Variants in DLG2 observed in about 807,000 individuals in gnomAD.
DLG2 encodes the protein disks large homolog 2.
A neutral mutation model predicts 132.5 loss-of-function variants in DLG2; 45 were observed. That is an observed-to-expected ratio of 0.34 (90% confidence interval 0.27 to 0.44). The LOEUF (loss-of-function observed/expected upper bound fraction) is 0.44, where lower values mean the gene tolerates loss of function less well. Ranked by LOEUF, DLG2 falls within the 20% of genes least tolerant of loss-of-function variation. The pLI, the probability that DLG2 is intolerant of heterozygous loss-of-function variation, is 1.00. For synonymous variants in DLG2, 424 were observed against 419.6 expected (o/e 1.01, Z -0.13); for missense variants, 1,045 against 1,196.9 (o/e 0.87, Z 1.87).
At chr11:85,348,163 T>C (rs1182109579) in intron 3 of DLG2, among the ~76,000 whole-genome samples, 1 of 151,090 alleles carries the variant, frequency 6.6e-6, no homozygotes, top group East Asian at 1.9e-4. Context: ...TTTTTGTACT[T>C]TTTAGTAGAG....
rs77773326 is a variant in DLG2, at chr11:84,129,026, G to A, written c.625-29979C>T. ...AAAGTCATTCAATCTGCTGGCAGAT[G>A]AAAATGAAGTGAAACAGTACACTAA... On this transcript the variant is annotated intron_variant, in intron 9 of 27. Transcript: ENST00000376104. Among the ~76,000 whole-genome samples, 343 of 152,234 alleles carry A rather than the reference G, an allele frequency of 2.3e-3. 7 individuals carry two copies. The East Asian group carries it at 0.051, about 23-fold the overall frequency.
intron 3 of DLG2, among the ~76,000 whole-genome samples, chr11:85,566,125 T>C (rs1378851136): frequency 6.6e-6 from 1 of 152,216 alleles, no homozygotes; most frequent in Non-Finnish European, 1.5e-5. Flanking sequence ...TCTTTCCATG[T>C]GCCTATTGGT....
At chr11:85,383,928 C>G (rs985678918) in intron 3 of DLG2, among the ~76,000 whole-genome samples, 4 of 152,158 alleles carry the variant, frequency 2.6e-5, no homozygotes, top group African/African-American at 9.7e-5. Context: ...GTGCCCTTCT[C>G]CCCTACAGAA....
At chr11:83,950,332 C>G (rs745965043) in intron 14 of DLG2, among the ~76,000 whole-genome samples, 1 of 152,160 alleles carries the variant, frequency 6.6e-6, no homozygotes, top group Non-Finnish European at 1.5e-5. Flanking sequence ...CAGTGGCTCA[C>G]GCCTGTAATC....
At chr11:84,193,334 C>T (rs141464377) in intron 8 of DLG2, among the ~76,000 whole-genome samples, 132 of 152,168 alleles carry the variant, frequency 8.7e-4, no homozygotes, top group Non-Finnish European at 1.3e-3. Context: ...ACCTGAGATT[C>T]GAAGATATTA....
At chr11:85,021,175 C>T (rs113133805) in intron 6 of DLG2, 9 of 955,934 alleles carry the variant, frequency 9.4e-6, no homozygotes, top group Admixed American at 5.1e-5. Flanking sequence ...AGAATTGAAG[C>T]CAGCTTTTTC....
At chr11:84,005,867 T>C (rs2094550405) in intron 11 of DLG2, among the ~76,000 whole-genome samples, 1 of 151,860 alleles carries the variant, frequency 6.6e-6, no homozygotes, top group Admixed American at 6.6e-5. Flanking sequence ...CATACACTGT[T>C]AGTCAGAATG....
intron 6 of DLG2, among the ~76,000 whole-genome samples, chr11:84,717,894 G>A (rs2061400714): frequency 6.6e-6 from 1 of 152,002 alleles, no homozygotes; most frequent in South Asian, 2.1e-4. Context: ...TTATTGCTGT[G>A]GCCACTTTAC....
At chr11:85,065,309 T>C (rs1352995331) in intron 6 of DLG2, among the ~76,000 whole-genome samples, 1 of 151,410 alleles carries the variant, frequency 6.6e-6, no homozygotes, top group African/African-American at 2.4e-5. Flanking sequence ...CTATGTAAAA[T>C]GCAAATTTGA....
intron 3 of DLG2, among the ~76,000 whole-genome samples, chr11:85,505,598 A>T (rs894629731): frequency 6.6e-6 from 1 of 152,022 alleles, no homozygotes; most frequent in Non-Finnish European, 1.5e-5. Flanking sequence ...AAGATTTCTG[A>T]TGTGCTGCTG....
chr11:85,396,265 T>C (rs958033340), intron 3 of DLG2, among the ~76,000 whole-genome samples: 8 of 152,008 alleles, frequency 5.3e-5, no homozygotes, highest in South Asian at 4.2e-4. Context: ...CGAAACCCCA[T>C]CTTTAGGACA....
At chr11:84,089,594 C>T (rs1050917500) in intron 10 of DLG2, among the ~76,000 whole-genome samples, 1 of 152,198 alleles carries the variant, frequency 6.6e-6, no homozygotes, top group Non-Finnish European at 1.5e-5. Flanking sequence ...TCAGTACAGT[C>T]AAACCTCAGT....
intron 4 of DLG2, among the ~76,000 whole-genome samples, chr11:85,261,616 CTG>C (rs1055108706): frequency 5.3e-5 from 8 of 152,016 alleles, no homozygotes; most frequent in Non-Finnish European, 1.0e-4. Context: ...CAAGGTAAAA[CTG>C]GGGTATAGCA....
chr11:84,575,948 CT>C (rs2099498789), intron 6 of DLG2, among the ~76,000 whole-genome samples: 1 of 152,194 alleles, frequency 6.6e-6, no homozygotes, highest in Non-Finnish European at 1.5e-5. Context: ...TAACTAGAAT[CT>C]CAGAGGTAGA....
intron 6 of DLG2, among the ~76,000 whole-genome samples, chr11:84,594,590 G>A (rs377293115): frequency 3.1e-4 from 47 of 152,298 alleles, no homozygotes; most frequent in Middle Eastern, 3.4e-3. Flanking sequence ...ATACGGATGG[G>A]ACTGGTAGAA....
At chr11:84,626,847 A>ACATTTTATTTTATTTTATTTATTT (rs373094154) in intron 6 of DLG2, among the ~76,000 whole-genome samples, 4 of 144,012 alleles carry the variant, frequency 2.8e-5, no homozygotes, top group Admixed American at 7.0e-5. Flanking sequence ...CATCAATTAC[A>ACATTTTATTTTATTTTATTTATTT]TATTTTATTT....
intron 15 of DLG2, among the ~76,000 whole-genome samples, chr11:83,901,656 C>T (rs2073469134): frequency 6.6e-6 from 1 of 152,114 alleles, no homozygotes; most frequent in African/African-American, 2.4e-5. Flanking sequence ...TGTAAATTGC[C>T]CAGTCTTGGG....
intron 3 of DLG2, among the ~76,000 whole-genome samples, chr11:85,348,451 C>G (rs1030152546): frequency 6.6e-6 from 1 of 151,768 alleles, no homozygotes; most frequent in African/African-American, 2.4e-5. Flanking sequence ...TCTCAATCTC[C>G]TGACCTCGTG....
chr11:85,248,095 A>C (rs1226782138), intron 4 of DLG2, among the ~76,000 whole-genome samples: 1 of 152,074 alleles, frequency 6.6e-6, no homozygotes, highest in Non-Finnish European at 1.5e-5. Flanking sequence ...TATCTATTAT[A>C]TCTGTGTAGC....
Sources: gnomAD v4.1 joint callset for allele counts (sites outside exome capture counted in the v4.1 genomes callset) on GRCh38, gnomAD v4.1.1 for gene constraint, MANE v1.5 for transcripts, NCBI Gene and HGNC (gene_info 2026-07-23, HGNC 2026-07-21) for gene names.